ITSN1: variants seen among roughly 807,000 people sequenced by gnomAD.
ITSN1 encodes the protein intersectin-1.
ITSN1 carries 58 observed loss-of-function variants against 239.8 expected under a neutral mutation model. That is an observed-to-expected ratio of 0.24 (90% CI 0.20 to 0.30). ITSN1 has a LOEUF of 0.30. ITSN1 is among the 10% of genes least tolerant of loss of function. The pLI is 1.00. For synonymous variants in ITSN1, 780 were observed against 770.8 expected (o/e 1.01, Z -0.20); for missense variants, 1,558 against 2,103.3 (o/e 0.74, Z 5.07).
chr21:33,836,308 G>GAAC (rs1438527636), intron 28 of ITSN1, 133 bp from the exon 29 acceptor site: 1 of 561,394 alleles, frequency 1.8e-6, no homozygotes, highest in Non-Finnish European at 2.9e-6. Context: ...AAGCCCAACA[G>GAAC]AACAGTTCCA....
In ITSN1 at chr21:33,735,204, G is replaced by C; in HGVS notation, c.346G>C (p.Gly116Arg). 1 of 1,611,432 alleles carries C rather than the reference G, an allele frequency of 6.2e-7. No homozygotes were observed. The highest frequency in any genetic ancestry group is 8.5e-7 in the Non-Finnish European group (1 of 1,178,910). ...TGCTATTTCTAGCGCACCAGCATTT[G>C]GTAAGTCTGAAAATGAATTGGTTTC... ...PVAISSAPAF[G>R]MGGIASMPPL... The change falls in exon 5 of 40, where the codon GGT becomes CGT. Residue 116 changes from glycine to arginine, a missense_variant and splice_region_variant. This residue lies in a region of ITSN1 where 982 missense variants were observed against 1,209.9 expected (regional missense o/e 0.81). Coordinates refer to ENST00000381318, the MANE Select transcript of ITSN1 (RefSeq NM_003024.3).
chr21:33,649,183 C>G (rs528121658), intron 1 of ITSN1, among the ~76,000 whole-genome samples: 92 of 152,208 alleles, frequency 6.0e-4, no homozygotes, highest in Non-Finnish European at 3.1e-4. Context: ...AGAAAGTGGC[C>G]TAAGGAAGTT....
At chr21:33,837,265 A>G in intron 29 of ITSN1, 1 of 1,213,558 alleles carries the variant, frequency 8.2e-7, no homozygotes, top group Non-Finnish European at 1.0e-6. Context: ...TGGCTTTCCT[A>G]GTTACTCAAA....
chr21:33,707,621 AATTT>A (rs1283453274), intron 1 of ITSN1, among the ~76,000 whole-genome samples: 3 of 152,126 alleles, frequency 2.0e-5, no homozygotes, highest in Non-Finnish European at 2.9e-5. Context: ...CATTTTCTAG[AATTT>A]TTCTGGAAGT....
At chr21:33,878,505 C>T (rs1004506801) in intron 34 of ITSN1, among the ~76,000 whole-genome samples, 2 of 152,160 alleles carry the variant, frequency 1.3e-5, no homozygotes, top group Non-Finnish European at 2.9e-5. Flanking sequence ...ACTAGGGTTT[C>T]CCAAAATGAC....
At chr21:33,779,461 A>G (rs1401410819) in intron 14 of ITSN1, among the ~76,000 whole-genome samples, 2 of 152,118 alleles carry the variant, frequency 1.3e-5, no homozygotes, top group Non-Finnish European at 1.5e-5. Context: ...ATGGCTCAGC[A>G]TATGCTCTGT....
At chr21:33,755,152 T>A (rs1201996610) in intron 7 of ITSN1, 145 bp from the exon 8 acceptor site, 1 of 481,520 alleles carries the variant, frequency 2.1e-6, no homozygotes, top group Non-Finnish European at 3.7e-6. Flanking sequence ...GCAAAAAAAA[T>A]CAGAAGTAGT....
intron 4 of ITSN1, among the ~76,000 whole-genome samples, chr21:33,734,685 T>C (rs1357133732): frequency 6.6e-6 from 1 of 152,232 alleles, no homozygotes; most frequent in East Asian, 1.9e-4. Flanking sequence ...TCGTTTAAAG[T>C]ATCTAATTCA....
intron 26 of ITSN1, chr21:33,829,368 A>G: frequency 2.2e-6 from 1 of 457,154 alleles, no homozygotes; most frequent in Non-Finnish European, 4.0e-6. Flanking sequence ...GAAGTTGGTA[A>G]GTAAGTTTCA....
intron 36 of ITSN1, among the ~76,000 whole-genome samples, chr21:33,884,034 G>A (rs1252393904): frequency 6.6e-6 from 1 of 151,694 alleles, no homozygotes; most frequent in African/African-American, 2.4e-5. Flanking sequence ...CAGGTATGTG[G>A]GACTACAGGC....
chr21:33,730,901 G>A (rs943582790), intron 4 of ITSN1, among the ~76,000 whole-genome samples: 1 of 150,338 alleles, frequency 6.7e-6, no homozygotes, highest in African/African-American at 2.5e-5. Context: ...TCACCTTGTT[G>A]GTCAGACTGG....
intron 29 of ITSN1, among the ~76,000 whole-genome samples, chr21:33,854,558 A>G (rs1569305280): frequency 1.3e-5 from 2 of 152,230 alleles, no homozygotes; most frequent in South Asian, 2.1e-4. Flanking sequence ...GACCTTCCCA[A>G]TAAAAGTCAA....
At chr21:33,703,641 G>C (rs1305930205) in intron 1 of ITSN1, among the ~76,000 whole-genome samples, 1 of 152,192 alleles carries the variant, frequency 6.6e-6, no homozygotes, top group Non-Finnish European at 1.5e-5. Context: ...CTTTCACTGG[G>C]AAAAGACTAA....
At chr21:33,799,010 A>G (rs2071772782) in intron 18 of ITSN1, among the ~76,000 whole-genome samples, 1 of 152,190 alleles carries the variant, frequency 6.6e-6, no homozygotes, top group Non-Finnish European at 1.5e-5. Flanking sequence ...CTTGCATGTC[A>G]TACAGTTCAA....
chr21:33,703,148 A>G (rs964076051), intron 1 of ITSN1, among the ~76,000 whole-genome samples: 1 of 150,224 alleles, frequency 6.7e-6, no homozygotes, highest in Non-Finnish European at 1.5e-5. Flanking sequence ...AATTGTATAT[A>G]TATAAAGAAA....
intron 22 of ITSN1, chr21:33,817,594 T>C: frequency 7.7e-7 from 1 of 1,297,604 alleles, no homozygotes; most frequent in Non-Finnish European, 1.0e-6. Flanking sequence ...TACCTGCTAG[T>C]AATACTGCCC....
At chr21:33,731,664 A>G (rs1056757086) in intron 4 of ITSN1, among the ~76,000 whole-genome samples, 5 of 152,262 alleles carry the variant, frequency 3.3e-5, no homozygotes, top group African/African-American at 9.6e-5. Context: ...GAAAAATTCT[A>G]TCAACATTAG....
chr21:33,671,157 C>T (rs1299274740), intron 1 of ITSN1, among the ~76,000 whole-genome samples: 1 of 152,178 alleles, frequency 6.6e-6, no homozygotes, highest in Non-Finnish European at 1.5e-5. Context: ...AAATAAATGC[C>T]AGTGGTGCCT....
At chr21:33,870,035 C>G (rs1043539068) in intron 33 of ITSN1, among the ~76,000 whole-genome samples, 3 of 152,168 alleles carry the variant, frequency 2.0e-5, no homozygotes, top group African/African-American at 4.8e-5. Context: ...GAGCCTGGCT[C>G]TCATTATCCT....
Sources: gnomAD v4.1 joint callset for allele counts (sites outside exome capture counted in the v4.1 genomes callset) on GRCh38, gnomAD v4.1.1 for gene constraint, gnomAD v4.1.1 regional missense constraint, MANE v1.5 for transcripts, NCBI Gene and HGNC (gene_info 2026-07-23, HGNC 2026-07-21) for gene names.